The following CACNA2D3 variants were observed in gnomAD, a reference collection of about 807,000 sequenced individuals.
CACNA2D3 encodes the protein voltage-dependent calcium channel subunit alpha-2/delta-3.
Under a neutral mutation model 160.6 loss-of-function variants are expected in CACNA2D3, and 60 were observed. That is an observed-to-expected ratio of 0.37 (90% CI 0.30 to 0.46). The LOEUF is 0.46. Among genes scored for constraint, CACNA2D3 ranks in the 20% least tolerant of loss-of-function variants. The pLI, the probability that CACNA2D3 is intolerant of heterozygous loss-of-function variation, is 1.00. For synonymous variants in CACNA2D3, 558 were observed against 492.9 expected, an observed-to-expected ratio of 1.13 and a Z score of -1.75; for missense variants, 1,205 against 1,365.0, an observed-to-expected ratio of 0.88 and a Z score of 1.85.
chr3:54,391,172 G>A (rs570124716), intron 4 of CACNA2D3, among the ~76,000 whole-genome samples: 1 of 152,306 alleles, frequency 6.6e-6, no homozygotes, highest in South Asian at 2.1e-4. Context: ...TCAAAGTGAA[G>A]AATTTGCTTT....
intron 4 of CACNA2D3, among the ~76,000 whole-genome samples, chr3:54,464,484 G>T (rs545055994): frequency 6.6e-5 from 10 of 152,222 alleles, no homozygotes; most frequent in Non-Finnish European, 1.0e-4. Context: ...AATGGCGAGC[G>T]CCCCTCCCCC....
rs1704445817 is a variant in CACNA2D3 at position 55,059,415 on chromosome 3, GA to G, written c.2988-14029del. ...TTGTATTGAAACAGGAGAGTTATCT[GA>G]CCCCCCTCGCAGGAAGTGCAACAGG... is the stretch of plus-strand genomic sequence containing the variant. On this transcript the variant is annotated intron_variant, in intron 35 of 37. Coordinates refer to ENST00000474759, the MANE Select transcript of CACNA2D3 (RefSeq NM_018398.3). Among the ~76,000 whole-genome samples the G allele has an allele frequency of 7.9e-5, 12 of 152,300 alleles. 1 individual carries two copies. The South Asian group carries it at 2.5e-3, about 32-fold the overall frequency.
intron 11 of CACNA2D3, among the ~76,000 whole-genome samples, chr3:54,685,908 C>T (rs1700441192): frequency 6.6e-6 from 1 of 152,212 alleles, no homozygotes; most frequent in Admixed American, 6.5e-5. Context: ...TCCTTGTAGA[C>T]TGTGGGGTGC....
At chr3:54,640,071 G>A (rs374916078) in intron 10 of CACNA2D3, among the ~76,000 whole-genome samples, 38 of 152,204 alleles carry the variant, frequency 2.5e-4, no homozygotes, top group African/African-American at 9.2e-4. Flanking sequence ...CTTTTGTGGT[G>A]GAATGTCATC....
intron 27 of CACNA2D3, among the ~76,000 whole-genome samples, chr3:54,912,373 G>A (rs943720210): frequency 1.1e-4 from 17 of 152,082 alleles, no homozygotes; most frequent in Non-Finnish European, 2.4e-4. Flanking sequence ...TATCCTAAAA[G>A]CACCTGCCAC....
chr3:54,701,991 A>G (rs1222965315), intron 11 of CACNA2D3, among the ~76,000 whole-genome samples: 2 of 152,184 alleles, frequency 1.3e-5, no homozygotes, highest in Non-Finnish European at 2.9e-5. Flanking sequence ...CAAGTCAACA[A>G]TAACAAGCAA....
At chr3:54,511,878 A>C (rs1044169084) in intron 5 of CACNA2D3, among the ~76,000 whole-genome samples, 1 of 152,224 alleles carries the variant, frequency 6.6e-6, no homozygotes, top group Non-Finnish European at 1.5e-5. Flanking sequence ...AGGATCAAGC[A>C]CTTGCTTTCT....
At chr3:54,716,892 C>T (rs1467866181) in intron 11 of CACNA2D3, among the ~76,000 whole-genome samples, 1 of 142,786 alleles carries the variant, frequency 7.0e-6, no homozygotes, top group Non-Finnish European at 1.5e-5. Context: ...ATAAGGGACG[C>T]AAAACTTGTG....
intron 4 of CACNA2D3, among the ~76,000 whole-genome samples, chr3:54,412,055 A>C (rs1482585391): frequency 6.6e-6 from 1 of 152,188 alleles, no homozygotes; most frequent in East Asian, 1.9e-4. Context: ...ATCATAAATT[A>C]GTTTTATATA....
chr3:54,780,424 G>A (rs937809679), intron 13 of CACNA2D3, among the ~76,000 whole-genome samples: 3 of 152,208 alleles, frequency 2.0e-5, no homozygotes, highest in Admixed American at 6.5e-5. Context: ...TGTTTATACT[G>A]TATTACTTGG....
chr3:54,588,322 A>C (rs557119577), intron 9 of CACNA2D3, among the ~76,000 whole-genome samples: 4 of 152,228 alleles, frequency 2.6e-5, no homozygotes, highest in Non-Finnish European at 5.9e-5. Flanking sequence ...AACTTCTCCA[A>C]ATTGATAGAG....
At chr3:54,781,522 A>G (rs1702536840) in intron 13 of CACNA2D3, among the ~76,000 whole-genome samples, 3 of 152,222 alleles carry the variant, frequency 2.0e-5, no homozygotes, top group Admixed American at 2.0e-4. Context: ...TACCTAGTTC[A>G]TTGACAAAAG....
chr3:54,850,594 T>C (rs1451392896), intron 17 of CACNA2D3, among the ~76,000 whole-genome samples: 1 of 152,190 alleles, frequency 6.6e-6, no homozygotes, highest in East Asian at 1.9e-4. Flanking sequence ...CCTTTTAGAA[T>C]AAAGGGACAG....
At chr3:54,247,870 G>A (rs1214739284) in intron 2 of CACNA2D3, among the ~76,000 whole-genome samples, 1 of 2,512 alleles carries the variant, frequency 4.0e-4, no homozygotes, top group Non-Finnish European at 1.3e-3. Context: ...GCCATGCCTA[G>A]TACCATGCCT....
chr3:54,592,826 C>G (rs1702885914), intron 9 of CACNA2D3, among the ~76,000 whole-genome samples: 1 of 152,182 alleles, frequency 6.6e-6, no homozygotes, highest in African/African-American at 2.4e-5. Context: ...ACTAAAACTT[C>G]ATAAACTAAC....
In CACNA2D3 at chr3:54,266,966, C is replaced by T. The variant is rs570257250; in HGVS notation, c.205-53476C>T. Among the ~76,000 whole-genome samples, 26 of 151,972 alleles carry T rather than the reference C, an allele frequency of 1.7e-4. No individual in the cohort carries two copies. In the South Asian group the frequency reaches 5.2e-3, roughly 30 times the overall value. ...CTTTTGTTGACTTTACCTTGGTGTG[C>T]CTTGAGCATGGAGCTTGGCAGTTTG... On this transcript the variant is annotated intron_variant, in intron 2 of 37. Coordinates refer to ENST00000474759, the MANE Select transcript of CACNA2D3 (RefSeq NM_018398.3).
At chr3:54,912,500 C>T (rs1020920985) in intron 27 of CACNA2D3, among the ~76,000 whole-genome samples, 1 of 152,150 alleles carries the variant, frequency 6.6e-6, no homozygotes, top group Admixed American at 6.5e-5. Context: ...GTCACACCAA[C>T]CTTGCTGCTA....
At chr3:54,473,884 A>G (rs1183534251) in intron 4 of CACNA2D3, among the ~76,000 whole-genome samples, 1 of 152,216 alleles carries the variant, frequency 6.6e-6, no homozygotes, top group African/African-American at 2.4e-5. Context: ...CGATTATTAA[A>G]AAGTCGGGAA....
At position 54,887,318 on chromosome 3, in the gene CACNA2D3, T is replaced by C. The variant is rs542479236; in HGVS notation, c.2057-641T>C. Among the ~76,000 whole-genome samples the C allele has an allele frequency of 6.6e-5, 10 of 152,058 alleles. No homozygotes were observed. The East Asian group carries it at 1.9e-3, about 29-fold the overall frequency. On this transcript the variant is annotated intron_variant, in intron 23 of 37. Coordinates refer to ENST00000474759, the MANE Select transcript of CACNA2D3 (RefSeq NM_018398.3). ...GGCCTGTGCCTGTAATCCCAGCTACTTGGGAGGCTGAGGTAGGAGACTGGC... is the reference window on the plus strand; with the variant it reads ...GGCCTGTGCCTGTAATCCCAGCTACCTGGGAGGCTGAGGTAGGAGACTGGC...
Sources: allele counts gnomAD v4.1 joint callset (sites outside exome capture counted in the v4.1 genomes callset), GRCh38; gene constraint gnomAD v4.1.1; transcripts MANE v1.5; gene names NCBI Gene and HGNC (gene_info 2026-07-23, HGNC 2026-07-21).